GUCY1A1: variants seen among roughly 807,000 people sequenced by gnomAD.
GUCY1A1 encodes guanylate cyclase soluble subunit alpha-1.
A neutral mutation model predicts 64.5 loss-of-function variants in GUCY1A1; 48 were observed. That is an observed-to-expected ratio of 0.74 (90% CI 0.59 to 0.95). The LOEUF (loss-of-function observed/expected upper bound fraction) is 0.95. GUCY1A1 is among the 40% of genes least tolerant of loss of function. The pLI is 0.00. For missense variants in GUCY1A1, 804 were observed against 825.3 expected, an observed-to-expected ratio of 0.97 and a Z score of 0.32; for synonymous variants, 308 against 303.4, an observed-to-expected ratio of 1.02 and a Z score of -0.16.
At chr4:155,687,845 T>G (rs532150781) in intron 2 of GUCY1A1, among the ~76,000 whole-genome samples, 1 of 152,194 alleles carries the variant, frequency 6.6e-6, no homozygotes, top group Non-Finnish European at 1.5e-5. Context: ...GCACCTACAT[T>G]TATGTGAACC....
At chr4:155,689,609 AGAGTT>A (rs1198321143) in intron 2 of GUCY1A1, among the ~76,000 whole-genome samples, 1 of 152,228 alleles carries the variant, frequency 6.6e-6, no homozygotes, top group Non-Finnish European at 1.5e-5. Context: ...TCCCTACTAT[AGAGTT>A]GAGTGTACTG....
chr4:155,673,907 T>C (rs1368714376), intron 2 of GUCY1A1, among the ~76,000 whole-genome samples: 1 of 151,550 alleles, frequency 6.6e-6, no homozygotes, highest in African/African-American at 2.5e-5. Flanking sequence ...CACATTGTGC[T>C]TCCTTTGTAG....
At chr4:155,697,765 C>A (rs1730603416) in intron 3 of GUCY1A1, among the ~76,000 whole-genome samples, 1 of 152,158 alleles carries the variant, frequency 6.6e-6, no homozygotes, top group African/African-American at 2.4e-5. Flanking sequence ...TATAGCCCTG[C>A]AAGCTGCATA....
At chr4:155,727,785 A>G (rs1394005583) in intron 9 of GUCY1A1, among the ~76,000 whole-genome samples, 1 of 150,766 alleles carries the variant, frequency 6.6e-6, no homozygotes. Context: ...TAAAATGTAA[A>G]GTAAATAGAT....
At chr4:155,703,795 A>T (rs10021482) in intron 3 of GUCY1A1, 137 bp from the exon 4 acceptor site, 2 of 615,302 alleles carry the variant, frequency 3.3e-6, no homozygotes, top group Non-Finnish European at 5.8e-6. Context: ...GTGAAAATTC[A>T]TAACATTTAT....
intron 3 of GUCY1A1, among the ~76,000 whole-genome samples, chr4:155,698,852 A>G (rs937562273): frequency 6.6e-6 from 1 of 151,950 alleles, no homozygotes; most frequent in Non-Finnish European, 1.5e-5. Context: ...CTTTCCATTG[A>G]GTTTTTCAGT....
chr4:155,670,942 T>A (rs1315178365), intron 2 of GUCY1A1, among the ~76,000 whole-genome samples: 1 of 152,146 alleles, frequency 6.6e-6, no homozygotes, highest in Non-Finnish European at 1.5e-5. Flanking sequence ...CCTGACCTTT[T>A]TTTCTAGGTC....
At chr4:155,682,851 G>T (rs34948580) in intron 2 of GUCY1A1, among the ~76,000 whole-genome samples, 76,171 of 151,856 alleles carry the variant, frequency 0.5, 20,322 homozygotes, top group East Asian at 0.81. Context: ...ATTTTAAAAT[G>T]TATTTCCAAT....
chr4:155,724,942 A>T (rs1156522523), intron 9 of GUCY1A1, among the ~76,000 whole-genome samples: 1 of 151,998 alleles, frequency 6.6e-6, no homozygotes, highest in Non-Finnish European at 1.5e-5. Context: ...CAAGCTTACC[A>T]ATCACCTTAA....
At chr4:155,724,761 T>C (rs1041852430) in intron 9 of GUCY1A1, among the ~76,000 whole-genome samples, 5 of 152,058 alleles carry the variant, frequency 3.3e-5, no homozygotes, top group African/African-American at 1.2e-4. Flanking sequence ...ACTCTAACTA[T>C]TTTTTAAAAA....
At chr4:155,697,912 T>C (rs1273026373) in intron 3 of GUCY1A1, among the ~76,000 whole-genome samples, 1 of 152,184 alleles carries the variant, frequency 6.6e-6, no homozygotes, top group East Asian at 1.9e-4. Flanking sequence ...CTGTCAGTCT[T>C]CATAGTTTTA....
intron 9 of GUCY1A1, among the ~76,000 whole-genome samples, chr4:155,728,266 T>C (rs751667144): frequency 4.6e-5 from 7 of 151,880 alleles, no homozygotes; most frequent in Non-Finnish European, 1.0e-4. Context: ...ATTCCAGCAT[T>C]TGCCAATTTC....
chr4:155,701,450 A>G (rs1445647040), intron 3 of GUCY1A1, among the ~76,000 whole-genome samples: 3 of 152,296 alleles, frequency 2.0e-5, no homozygotes, highest in African/African-American at 7.2e-5. Context: ...GACCAGAAAA[A>G]GACATTTCTG....
chr4:155,704,919 C>A (rs554549224), intron 4 of GUCY1A1, among the ~76,000 whole-genome samples: 91 of 152,230 alleles, frequency 6.0e-4, no homozygotes, highest in Middle Eastern at 3.4e-3. Flanking sequence ...CAGGGTCTTG[C>A]TCTGTCGCCT....
rs1448629827 is a variant in GUCY1A1 at position 155,732,547 on chromosome 4, A to T, written c.*2316A>T. ...TTCTCTATCTTATCTGCTTTGAAGC[A>T]TAGCGATTAGCGAGAAACTTTTCAG... is the stretch of plus-strand genomic sequence containing the variant. On this transcript the variant is annotated 3_prime_UTR_variant, in exon 10 of 10. Coordinates refer to ENST00000506455, the MANE Select transcript of GUCY1A1 (RefSeq NM_001130682.3). Among the ~76,000 whole-genome samples, 1 of 151,930 alleles carries T rather than the reference A, an allele frequency of 6.6e-6. No individual in the cohort carries two copies.
chr4:155,685,353 C>G (rs1728833330), intron 2 of GUCY1A1, among the ~76,000 whole-genome samples: 1 of 152,180 alleles, frequency 6.6e-6, no homozygotes, highest in African/African-American at 2.4e-5. Context: ...AGCAGTTACT[C>G]AACTGCACAG....
chr4:155,696,383 G>T (rs202173788), intron 2 of GUCY1A1, among the ~76,000 whole-genome samples: 1 of 152,258 alleles, frequency 6.6e-6, no homozygotes, highest in African/African-American at 2.4e-5. Flanking sequence ...AGTAGTACAA[G>T]CATGAATAAA....
At chr4:155,674,126 C>T (rs755458762) in intron 2 of GUCY1A1, among the ~76,000 whole-genome samples, 2 of 151,164 alleles carry the variant, frequency 1.3e-5, no homozygotes, top group Non-Finnish European at 2.9e-5. Context: ...GAGGCCGAGG[C>T]GGGTAGATCA....
chr4:155,677,551 A>ATT (rs915449613), intron 2 of GUCY1A1, among the ~76,000 whole-genome samples: 27 of 152,244 alleles, frequency 1.8e-4, no homozygotes, highest in African/African-American at 6.5e-4. Context: ...TCCATCCTTA[A>ATT]ATATAAGAAG....
Sources: allele counts gnomAD v4.1 joint callset (sites outside exome capture counted in the v4.1 genomes callset), GRCh38; gene constraint gnomAD v4.1.1; transcripts MANE v1.5; gene names NCBI Gene and HGNC (gene_info 2026-07-23, HGNC 2026-07-21).